TRPC5: variants seen among roughly 807,000 people sequenced by gnomAD.
The protein encoded by TRPC5 is short transient receptor potential channel 5.
A neutral mutation model predicts 56.5 loss-of-function variants in TRPC5; 9 were observed. The observed-to-expected ratio is 0.16, with a 90% confidence interval of 0.10 to 0.28. The LOEUF is 0.28. TRPC5 is among the 10% of genes least tolerant of loss of function. The pLI, the probability that TRPC5 is intolerant of heterozygous loss-of-function variation, is 1.00. For synonymous variants in TRPC5, 282 were observed against 278.5 expected, an observed-to-expected ratio of 1.01 and a Z score of -0.13; for missense variants, 469 against 748.9, an observed-to-expected ratio of 0.63 and a Z score of 4.36.
In TRPC5 at chrX:111,919,486, A is replaced by T. The variant is rs183087247; in HGVS notation, c.379-6674T>A. On this transcript the variant is annotated intron_variant, in intron 2 of 10. Coordinates refer to ENST00000262839, the MANE Select transcript of TRPC5 (RefSeq NM_012471.3). ...CAACGCAAAGCTCCACGGCTCCATT[A>T]TTGAAGTCAGTGAGACCATGAACTC... 4.9e-3 allele frequency among the ~76,000 whole-genome samples: 545 copies of T among 112,187 alleles called. 4 individuals are homozygous for T. Among genetic ancestry groups the T allele is most frequent in the African/African-American group, 0.017 (521 of 30,871 alleles).
At chrX:111,794,861 A>G (rs1398801004) in intron 7 of TRPC5, among the ~76,000 whole-genome samples, 1 of 111,818 alleles carries the variant, frequency 8.9e-6, no homozygotes, top group Non-Finnish European at 1.9e-5. Context: ...CACATTGGTG[A>G]TTAGGTTTTC....
chrX:111,819,668 TG>T (rs1317770889), intron 7 of TRPC5, among the ~76,000 whole-genome samples: 1 of 112,001 alleles, frequency 8.9e-6, no homozygotes, highest in African/African-American at 3.2e-5. Context: ...GAATTCTTAC[TG>T]GTATCATGTA....
At chrX:112,007,457 A>C (rs7061944) in intron 1 of TRPC5, among the ~76,000 whole-genome samples, 20,528 of 110,832 alleles carry the variant, frequency 0.19, 3,821 homozygotes, top group African/African-American at 0.57. Context: ...CAGAGCCAGG[A>C]CAAGTAAGCT....
intron 7 of TRPC5, 32 bp from the exon 8 acceptor site, chrX:111,782,170 G>T (rs1945924939): frequency 8.8e-7 from 1 of 1,141,932 alleles, no homozygotes; most frequent in African/African-American, 1.8e-5. Flanking sequence ...AAGGATTTGG[G>T]ATGGGAAACT....
rs934013553 is a variant in TRPC5, at chrX:111,815,477, A to G, written c.1896+19444T>C. ...AGCACGGTCGCCCATACCTGTAATCACAGCACTTTGGGAAGCCGAGGTAGG... is the reference window on the plus strand; with the variant it reads ...AGCACGGTCGCCCATACCTGTAATCGCAGCACTTTGGGAAGCCGAGGTAGG... On this transcript the variant is annotated intron_variant, in intron 7 of 10. Transcript: ENST00000262839. 3.6e-5 allele frequency among the ~76,000 whole-genome samples: 4 copies of G among 111,297 alleles called. No individual in the cohort carries two copies. The South Asian group carries it at 1.1e-3, about 32-fold the overall frequency.
At chrX:111,778,113 C>G (rs1325149693) in intron 10 of TRPC5, among the ~76,000 whole-genome samples, 1 of 109,763 alleles carries the variant, frequency 9.1e-6, no homozygotes, top group African/African-American at 3.3e-5. Flanking sequence ...TTCATGGACA[C>G]TGGGAGGGGA....
intron 1 of TRPC5, among the ~76,000 whole-genome samples, chrX:112,073,329 G>C: frequency 9.0e-6 from 1 of 111,247 alleles, no homozygotes; most frequent in Non-Finnish European, 1.9e-5. Context: ...GAGTACAGTG[G>C]CATGATCTCA....
intron 1 of TRPC5, among the ~76,000 whole-genome samples, chrX:112,051,078 T>C (rs944301703): frequency 8.9e-6 from 1 of 112,743 alleles, no homozygotes; most frequent in South Asian, 3.7e-4. Flanking sequence ...ACCTGGGTTC[T>C]TTGCTGGCTG....
At chrX:111,945,040 G>A (rs767720401) in intron 2 of TRPC5, among the ~76,000 whole-genome samples, 1 of 111,070 alleles carries the variant, frequency 9.0e-6, no homozygotes, top group South Asian at 3.9e-4. Flanking sequence ...TTAAAATTCT[G>A]CTTTCAGACC....
intron 1 of TRPC5, among the ~76,000 whole-genome samples, chrX:112,078,501 C>A (rs981641823): frequency 3.8e-4 from 42 of 111,561 alleles, no homozygotes; most frequent in African/African-American, 1.2e-3. Context: ...ACTTCAATTT[C>A]TCTATAGGTG....
intron 10 of TRPC5, among the ~76,000 whole-genome samples, chrX:111,777,934 C>T (rs902877462): frequency 5.3e-5 from 6 of 112,609 alleles, no homozygotes; most frequent in Admixed American, 4.7e-4. Flanking sequence ...GTTCATCACC[C>T]TTTATTATTG....
At chrX:112,072,457 C>T (rs746133341) in intron 1 of TRPC5, among the ~76,000 whole-genome samples, 13 of 111,926 alleles carry the variant, frequency 1.2e-4, no homozygotes, top group African/African-American at 4.2e-4. Context: ...GTTCTAAACC[C>T]ATTTAACTAA....
chrX:111,935,209 C>T (rs933506533), intron 2 of TRPC5, among the ~76,000 whole-genome samples: 26 of 111,945 alleles, frequency 2.3e-4, no homozygotes, highest in African/African-American at 7.8e-4. Context: ...TTCATATCTC[C>T]GGTGATCAAT....
At chrX:111,918,193 A>T (rs1333339579) in intron 2 of TRPC5, among the ~76,000 whole-genome samples, 2 of 111,731 alleles carry the variant, frequency 1.8e-5, no homozygotes, top group African/African-American at 6.5e-5. Flanking sequence ...AGGATGCCTT[A>T]TCCTCAGAGA....
intron 2 of TRPC5, among the ~76,000 whole-genome samples, chrX:111,933,257 G>A (rs1022179747): frequency 8.9e-6 from 1 of 111,773 alleles, no homozygotes; most frequent in African/African-American, 3.3e-5. Context: ...TTGCACTGAT[G>A]TTTCACACTT....
chrX:111,944,303 TGA>T lies in TRPC5; in HGVS notation c.378+7738_378+7739del, dbSNP rs774055316. 6.6e-3 allele frequency among the ~76,000 whole-genome samples: 406 copies of T among 61,219 alleles called. 2 individuals carry two copies. The highest frequency in any genetic ancestry group is 7.3e-3 in the Admixed American group (39 of 5,376). The allele number at this position is 61,219 out of a possible 115,157, so 53.2% of individuals were successfully genotyped here. ...GTGTGTGTGTGTGTGTGTGTGTGTG[TGA>T]GAGAGAGAGAGAGAGAGAGAGAGAG... On this transcript the variant is annotated intron_variant, in intron 2 of 10. Coordinates refer to ENST00000262839, the MANE Select transcript of TRPC5 (RefSeq NM_012471.3).
rs1366936838 is a variant in TRPC5, at chrX:112,045,722, T to C, written c.-22+36157A>G. On this transcript the variant is annotated intron_variant, in intron 1 of 10. Coordinates refer to ENST00000262839, the MANE Select transcript of TRPC5 (RefSeq NM_012471.3). Reference sequence around the variant, plus strand: ...TCATTGCTCTGATAATGTTGAGTTATTTAAAGTCAATGGAGGCAGTTAAGG... The same window carrying C: ...TCATTGCTCTGATAATGTTGAGTTACTTAAAGTCAATGGAGGCAGTTAAGG... 3.6e-5 allele frequency among the ~76,000 whole-genome samples: 4 copies of C among 112,144 alleles called. No individual in the cohort carries two copies. The Admixed American group carries it at 3.8e-4, about 11-fold the overall frequency.
At chrX:111,808,551 C>A (rs972214971) in intron 7 of TRPC5, among the ~76,000 whole-genome samples, 3 of 110,757 alleles carry the variant, frequency 2.7e-5, no homozygotes, top group African/African-American at 9.8e-5. Context: ...AGTGGTACCC[C>A]CTTTGGTGCA....
At chrX:112,002,047 C>T (rs772845277) in intron 1 of TRPC5, among the ~76,000 whole-genome samples, 61 of 111,639 alleles carry the variant, frequency 5.5e-4, no homozygotes, top group African/African-American at 1.9e-3. Context: ...CCTAACTGGC[C>T]TGGCTGCTTC....
Sources: gnomAD v4.1 joint callset for allele counts (sites outside exome capture counted in the v4.1 genomes callset) on GRCh38, gnomAD v4.1.1 for gene constraint, MANE v1.5 for transcripts, NCBI Gene and HGNC (gene_info 2026-07-23, HGNC 2026-07-21) for gene names.